Variants in ACTR2 observed in about 807,000 individuals in gnomAD.
The protein encoded by ACTR2 is actin-related protein 2.
A neutral mutation model predicts 50.2 loss-of-function variants in ACTR2; 5 were observed. That is an observed-to-expected ratio of 0.10 (90% CI 0.05 to 0.21). ACTR2 has a LOEUF of 0.21. ACTR2 is among the 10% of genes least tolerant of loss of function. ACTR2 has a pLI of 1.00. For synonymous variants in ACTR2, 140 were observed against 162.9 expected, an observed-to-expected ratio of 0.86 and a Z score of 1.07; for missense variants, 180 against 480.6, an observed-to-expected ratio of 0.37 and a Z score of 5.85.
chr2:65,253,930 T>C (rs1672100811), intron 5 of ACTR2, 66 bp downstream of exon 5: 1 of 1,391,178 alleles, frequency 7.2e-7, no homozygotes, highest in Non-Finnish European at 1.0e-6. Flanking sequence ...AACACAGAAT[T>C]GAATCTATCG....
At chr2:65,262,394 ATT>A (rs959959939) in intron 7 of ACTR2, among the ~76,000 whole-genome samples, 8 of 137,488 alleles carry the variant, frequency 5.8e-5, no homozygotes, top group Non-Finnish European at 6.3e-5. Context: ...CATGCCCAGA[ATT>A]TTTTTTTTTT....
intron 4 of ACTR2, among the ~76,000 whole-genome samples, chr2:65,251,713 TA>T (rs1558625420): frequency 6.6e-6 from 1 of 151,852 alleles, no homozygotes; most frequent in South Asian, 2.1e-4. Flanking sequence ...TGGCTTGAGT[TA>T]AAAAAAATAC....
At chr2:65,234,987 T>G (rs1573147824) in intron 1 of ACTR2, among the ~76,000 whole-genome samples, 2 of 152,330 alleles carry the variant, frequency 1.3e-5, no homozygotes, top group East Asian at 3.9e-4. Flanking sequence ...ATATTTGAGA[T>G]ATTTGTGTAA....
intron 3 of ACTR2, among the ~76,000 whole-genome samples, 169 bp downstream of exon 3, chr2:65,246,908 A>G (rs951478230): frequency 1.3e-5 from 2 of 152,166 alleles, no homozygotes; most frequent in Admixed American, 6.5e-5. Flanking sequence ...AAAGTAGGAT[A>G]GATCAGTAAA....
intron 7 of ACTR2, 65 bp from the exon 8 acceptor site, chr2:65,264,978 A>C: frequency 1.9e-6 from 3 of 1,581,638 alleles, no homozygotes; most frequent in Non-Finnish European, 2.6e-6. Context: ...CATAAGTAAC[A>C]GTAACCCTGA....
intron 2 of ACTR2, among the ~76,000 whole-genome samples, chr2:65,241,112 A>G (rs1233571834): frequency 6.6e-6 from 1 of 152,070 alleles, no homozygotes; most frequent in African/African-American, 2.4e-5. Context: ...AGCTTTTGGA[A>G]TATTTGTGGG....
intron 1 of ACTR2, among the ~76,000 whole-genome samples, chr2:65,236,520 G>A (rs1308961854): frequency 1.3e-5 from 2 of 152,024 alleles, no homozygotes; most frequent in Non-Finnish European, 1.5e-5. Flanking sequence ...AAACAAAAGA[G>A]TTTCTTGTAG....
chr2:65,264,839 A>C (rs1380106232), intron 7 of ACTR2, among the ~76,000 whole-genome samples: 2 of 152,224 alleles, frequency 1.3e-5, no homozygotes, highest in Non-Finnish European at 2.9e-5. Context: ...TTTTATTTTC[A>C]TCAAAATTAT....
At chr2:65,254,203 G>A (rs535788482) in intron 5 of ACTR2, among the ~76,000 whole-genome samples, 24 of 152,114 alleles carry the variant, frequency 1.6e-4, no homozygotes, top group Non-Finnish European at 2.8e-4. Context: ...TTCTTGGACA[G>A]CTCAGGCAGC....
intron 1 of ACTR2, chr2:65,228,380 G>T: frequency 6.3e-6 from 1 of 158,686 alleles, no homozygotes; most frequent in Non-Finnish European, 1.3e-5. Flanking sequence ...TCCTCTTCCT[G>T]TATAGTTGAA....
intron 1 of ACTR2, among the ~76,000 whole-genome samples, chr2:65,239,385 C>T (rs530165618): frequency 2.6e-5 from 4 of 152,294 alleles, no homozygotes; most frequent in East Asian, 3.9e-4. Flanking sequence ...ACCCAGGAGG[C>T]GGAGGTTGCA....
In ACTR2 at chr2:65,242,117, C is replaced by T; in HGVS notation, c.159+2155C>T. ...TGTTTTCCACTTTTGCTTGATGGGA[C>T]AGTAGTTGTTGTTTTGTGTCCCTTT... is the stretch of plus-strand genomic sequence containing the variant. On this transcript the variant is annotated intron_variant, in intron 2 of 8. Coordinates refer to ENST00000260641, the MANE Select transcript of ACTR2 (RefSeq NM_005722.4). The T allele has an allele frequency of 1.6e-5, 21 of 1,339,908 alleles. 1 individual carries two copies. The South Asian group carries it at 2.4e-4, about 15-fold the overall frequency. 83.0% of individuals were successfully genotyped at this position (1,339,908 alleles called of 1,614,324 possible).
intron 1 of ACTR2, among the ~76,000 whole-genome samples, chr2:65,229,982 G>T (rs1047613150): frequency 1.6e-4 from 25 of 152,100 alleles, no homozygotes; most frequent in Non-Finnish European, 1.5e-5. Flanking sequence ...TGTTCATAAT[G>T]GTTACCTATG....
At chr2:65,253,261 G>A (rs546967758) in intron 4 of ACTR2, among the ~76,000 whole-genome samples, 2 of 152,110 alleles carry the variant, frequency 1.3e-5, no homozygotes, top group African/African-American at 2.4e-5. Context: ...GCAACATGGC[G>A]AAACTCTGTC....
At chr2:65,265,287 A>T in intron 8 of ACTR2, 112 bp downstream of exon 8, 2 of 1,201,396 alleles carry the variant, frequency 1.7e-6, no homozygotes, top group Non-Finnish European at 2.5e-6. Flanking sequence ...ACAAATTCCT[A>T]CTGCAGTCAA....
chr2:65,247,327 G>A (rs766601868), intron 3 of ACTR2, among the ~76,000 whole-genome samples: 2 of 152,050 alleles, frequency 1.3e-5, no homozygotes, highest in African/African-American at 2.4e-5. Context: ...GGTGGCTCAC[G>A]CCTGTAATCT....
At chr2:65,242,120 T>G in intron 2 of ACTR2, 1 of 1,312,976 alleles carries the variant, frequency 7.6e-7, no homozygotes, top group Non-Finnish European at 1.1e-6. Context: ...GATGGGACAG[T>G]AGTTGTTGTT....
chr2:65,234,346 TCTG>T (rs1238789063), intron 1 of ACTR2, among the ~76,000 whole-genome samples: 1 of 152,260 alleles, frequency 6.6e-6, no homozygotes, highest in African/African-American at 2.4e-5. Context: ...TATGGCAACA[TCTG>T]CTTCCAATAA....
At chr2:65,239,721 C>T in intron 1 of ACTR2, 131 bp from the exon 2 acceptor site, 2 of 655,964 alleles carry the variant, frequency 3.0e-6, no homozygotes, top group East Asian at 5.8e-5. Flanking sequence ...TGAGTGGCTA[C>T]TTCGGGTGGA....
Sources: allele counts gnomAD v4.1 joint callset (sites outside exome capture counted in the v4.1 genomes callset), GRCh38; gene constraint gnomAD v4.1.1; transcripts MANE v1.5; gene names NCBI Gene and HGNC (gene_info 2026-07-23, HGNC 2026-07-21).